Variants in UNC5D observed in about 807,000 individuals in gnomAD.
UNC5D encodes unc-5 netrin receptor D.
A neutral mutation model predicts 105.4 loss-of-function variants in UNC5D; 39 were observed. The observed-to-expected ratio is 0.37, with a 90% CI of 0.29 to 0.48. UNC5D has a LOEUF of 0.48. UNC5D is among the 20% of genes least tolerant of loss of function. The pLI, the probability that UNC5D is intolerant of heterozygous loss-of-function variation, is 0.98. For synonymous variants in UNC5D, 452 were observed against 450.4 expected (o/e 1.00, Z -0.04); for missense variants, 991 against 1,202.4 (o/e 0.82, Z 2.60).
In UNC5D at chr8:35,795,965, G is replaced by A. The variant is rs766189166; in HGVS notation, c.*5402G>A. 1.3e-5 allele frequency: 2 copies of A among 152,066 alleles called. No homozygotes were observed. Among genetic ancestry groups the A allele is most frequent in the South Asian group, 2.1e-4 (1 of 4,834 alleles). The allele number at this position is 152,066 out of a possible 1,614,324, so 9.4% of individuals were successfully genotyped here. On this transcript the variant is annotated 3_prime_UTR_variant, in exon 17 of 17. Coordinates refer to ENST00000404895, the MANE Select transcript of UNC5D (RefSeq NM_080872.4). ...CCAAACTCAAAAAATATGAGTACTT[G>A]CGTACCTCCATTTCTGCATGAAGAT...
At chr8:35,573,479 A>C (rs1817885246) in intron 3 of UNC5D, among the ~76,000 whole-genome samples, 3 of 152,124 alleles carry the variant, frequency 2.0e-5, no homozygotes, top group Admixed American at 1.3e-4. Context: ...GAAAAGAAAA[A>C]AAAGTTAGGT....
chr8:35,674,674 A>G (rs923587557), intron 4 of UNC5D, among the ~76,000 whole-genome samples: 13 of 152,174 alleles, frequency 8.5e-5, no homozygotes, highest in African/African-American at 2.9e-4. Context: ...TGGTTAGACC[A>G]GAGTCCTGGC....
chr8:35,713,313 A>G (rs1297914313), intron 8 of UNC5D, among the ~76,000 whole-genome samples: 1 of 152,182 alleles, frequency 6.6e-6, no homozygotes, highest in Admixed American at 6.5e-5. Context: ...AGTAACTAAA[A>G]ATCTGTAGAG....
chr8:35,630,210 T>C (rs1821952314), intron 4 of UNC5D, among the ~76,000 whole-genome samples: 2 of 152,246 alleles, frequency 1.3e-5, no homozygotes, highest in Admixed American at 1.3e-4. Flanking sequence ...ATGATGATAG[T>C]GGAATTTTGT....
intron 4 of UNC5D, among the ~76,000 whole-genome samples, chr8:35,601,792 T>C (rs537207334): frequency 1.7e-3 from 262 of 152,294 alleles, no homozygotes; most frequent in Non-Finnish European, 2.5e-3. Context: ...GCCCTTTATT[T>C]CCTTCTCCTG....
At chr8:35,425,262 G>T (rs1456332592) in intron 1 of UNC5D, among the ~76,000 whole-genome samples, 1 of 152,120 alleles carries the variant, frequency 6.6e-6, no homozygotes, top group Non-Finnish European at 1.5e-5. Flanking sequence ...TTTACCTTTG[G>T]TTTTTTGCCT....
At chr8:35,309,351 C>T (rs1036918191) in intron 1 of UNC5D, among the ~76,000 whole-genome samples, 8 of 152,124 alleles carry the variant, frequency 5.3e-5, no homozygotes, top group South Asian at 2.1e-4. Context: ...AGTTAAGCCC[C>T]GCATTAGTTG....
chr8:35,520,704 A>G (rs369976628), intron 1 of UNC5D, among the ~76,000 whole-genome samples: 2 of 152,102 alleles, frequency 1.3e-5, no homozygotes, highest in East Asian at 1.9e-4. Flanking sequence ...AACCATGAAC[A>G]TATAAAGGAG....
chr8:35,742,254 G>GA (rs57750054), intron 11 of UNC5D, among the ~76,000 whole-genome samples: 199 of 131,154 alleles, frequency 1.5e-3, no homozygotes, highest in Admixed American at 3.2e-3. Flanking sequence ...CTGACTCCAA[G>GA]AAAAAAAAAA....
chr8:35,394,282 T>C (rs949432709), intron 1 of UNC5D, among the ~76,000 whole-genome samples: 2 of 152,230 alleles, frequency 1.3e-5, no homozygotes, highest in Non-Finnish European at 1.5e-5. Context: ...GAATATATAC[T>C]GACATGGGAA....
At chr8:35,425,669 C>T (rs1806200767) in intron 1 of UNC5D, among the ~76,000 whole-genome samples, 1 of 152,156 alleles carries the variant, frequency 6.6e-6, no homozygotes, top group Non-Finnish European at 1.5e-5. Context: ...TGTCTTTCTC[C>T]TATTCACGTC....
At chr8:35,648,961 C>T (rs1823240691) in intron 4 of UNC5D, among the ~76,000 whole-genome samples, 2 of 151,892 alleles carry the variant, frequency 1.3e-5, no homozygotes, top group Admixed American at 1.3e-4. Flanking sequence ...GTACAAGCAC[C>T]TATATAGGGT....
chr8:35,706,409 G>A (rs928174198), intron 8 of UNC5D, among the ~76,000 whole-genome samples: 2 of 152,212 alleles, frequency 1.3e-5, no homozygotes, highest in South Asian at 2.1e-4. Context: ...AAATAATGAC[G>A]AGCTGAGGAT....
intron 1 of UNC5D, among the ~76,000 whole-genome samples, chr8:35,363,848 T>C (rs1202939455): frequency 1.3e-5 from 2 of 152,198 alleles, no homozygotes; most frequent in Non-Finnish European, 2.9e-5. Context: ...TTTCCTTAAA[T>C]AGTTAATACT....
chr8:35,481,757 A>G (rs767478634), intron 1 of UNC5D, among the ~76,000 whole-genome samples: 2 of 152,230 alleles, frequency 1.3e-5, no homozygotes, highest in African/African-American at 2.4e-5. Flanking sequence ...CCACATGCAT[A>G]TTTAATAACT....
chr8:35,646,644 G>A (rs1023599759), intron 4 of UNC5D, among the ~76,000 whole-genome samples: 2 of 151,922 alleles, frequency 1.3e-5, no homozygotes, highest in Non-Finnish European at 2.9e-5. Context: ...CTCCAGACAC[G>A]GGTATATATA....
chr8:35,271,860 TG>T (rs1302860111), intron 1 of UNC5D, among the ~76,000 whole-genome samples: 1 of 151,942 alleles, frequency 6.6e-6, no homozygotes, highest in East Asian at 2.0e-4. Context: ...TTTCCCCTCA[TG>T]GAGCTTCCAT....
chr8:35,281,174 T>G (rs1485017164), intron 1 of UNC5D, among the ~76,000 whole-genome samples: 1 of 152,140 alleles, frequency 6.6e-6, no homozygotes, highest in Non-Finnish European at 1.5e-5. Flanking sequence ...CTGAAGCCCT[T>G]TTTTCAAATC....
At chr8:35,689,648 C>T (rs768560758) in intron 7 of UNC5D, among the ~76,000 whole-genome samples, 9 of 152,124 alleles carry the variant, frequency 5.9e-5, no homozygotes, top group Non-Finnish European at 1.2e-4. Flanking sequence ...GCAGGAAGAG[C>T]CAGTGTTCTA....
Sources: gnomAD v4.1 joint callset for allele counts (sites outside exome capture counted in the v4.1 genomes callset) on GRCh38, gnomAD v4.1.1 for gene constraint, MANE v1.5 for transcripts, NCBI Gene and HGNC (gene_info 2026-07-23, HGNC 2026-07-21) for gene names.